SH3PXD2A: variants seen among roughly 807,000 people sequenced by gnomAD.
SH3PXD2A encodes the protein SH3 and PX domains 2A, also known as SH3 and PX domain-containing protein 2A.
In SH3PXD2A, 32 loss-of-function variants were observed where a neutral mutation model predicts 115.2. That is an observed-to-expected ratio of 0.28 (90% CI 0.21 to 0.37). The LOEUF (loss-of-function observed/expected upper bound fraction) is 0.37, where lower values mean the gene tolerates loss of function less well. Among genes scored for constraint, SH3PXD2A ranks in the 10% least tolerant of loss-of-function variants. The pLI is 1.00. For synonymous variants in SH3PXD2A, 610 were observed against 629.1 expected, an observed-to-expected ratio of 0.97 and a Z score of 0.45; for missense variants, 1,328 against 1,498.7, an observed-to-expected ratio of 0.89 and a Z score of 1.88.
chr10:103,769,513 A>G (rs145382898), intron 2 of SH3PXD2A, among the ~76,000 whole-genome samples: 79 of 145,438 alleles, frequency 5.4e-4, no homozygotes, highest in African/African-American at 2.0e-3. Flanking sequence ...CAGTGGCACG[A>G]TCTCAGCTCA....
chr10:103,837,959 C>A (rs962447024), intron 1 of SH3PXD2A, among the ~76,000 whole-genome samples: 7 of 152,166 alleles, frequency 4.6e-5, no homozygotes, highest in Non-Finnish European at 1.0e-4. Flanking sequence ...GTTTGAACAG[C>A]CACCGTGAAG....
intron 3 of SH3PXD2A, among the ~76,000 whole-genome samples, chr10:103,750,138 G>A (rs1228469146): frequency 6.6e-6 from 1 of 152,072 alleles, no homozygotes; most frequent in African/African-American, 2.4e-5. Context: ...CTGTAGCCTC[G>A]ACCTCCGAGC....
intron 1 of SH3PXD2A, among the ~76,000 whole-genome samples, chr10:103,835,631 G>T (rs1008872057): frequency 1.3e-5 from 2 of 152,020 alleles, no homozygotes; most frequent in Non-Finnish European, 2.9e-5. Context: ...GGAGGCCCAG[G>T]GGGGTGAACT....
intron 2 of SH3PXD2A, among the ~76,000 whole-genome samples, chr10:103,783,882 C>T (rs1255637056): frequency 2.0e-5 from 3 of 152,220 alleles, no homozygotes; most frequent in African/African-American, 2.4e-5. Flanking sequence ...CGCAGTGAGG[C>T]GAGCCGCCCG....
intron 8 of SH3PXD2A, among the ~76,000 whole-genome samples, chr10:103,632,786 C>A (rs890149077): frequency 5.1e-4 from 78 of 152,234 alleles, no homozygotes; most frequent in African/African-American, 1.8e-3. Flanking sequence ...CCAGCCCAGC[C>A]AACATGGTGA....
At chr10:103,813,697 T>C (rs961931963) in intron 1 of SH3PXD2A, among the ~76,000 whole-genome samples, 1 of 152,218 alleles carries the variant, frequency 6.6e-6, no homozygotes, top group African/African-American at 2.4e-5. Context: ...TGAGTCCTCT[T>C]AGCCAGTCCT....
intron 1 of SH3PXD2A, among the ~76,000 whole-genome samples, chr10:103,826,135 G>A (rs562544890): frequency 5.2e-4 from 79 of 152,142 alleles, no homozygotes; most frequent in Non-Finnish European, 8.8e-4. Flanking sequence ...CTCATAAAAT[G>A]AGAAATCTTG....
intron 8 of SH3PXD2A, among the ~76,000 whole-genome samples, chr10:103,631,164 C>G (rs1367041282): frequency 6.6e-6 from 1 of 152,116 alleles, no homozygotes; most frequent in South Asian, 2.1e-4. Context: ...ACTTGGGAGG[C>G]TGAGGTGGGA....
At chr10:103,846,736 C>A (rs1211127512) in intron 1 of SH3PXD2A, among the ~76,000 whole-genome samples, 1 of 152,200 alleles carries the variant, frequency 6.6e-6, no homozygotes, top group Non-Finnish European at 1.5e-5. Flanking sequence ...GATCTCACGG[C>A]TTGAGGAGCC....
chr10:103,726,042 G>C (rs1476757482), intron 4 of SH3PXD2A, among the ~76,000 whole-genome samples: 7 of 152,054 alleles, frequency 4.6e-5, no homozygotes, highest in Non-Finnish European at 1.0e-4. Context: ...AGAAATACTG[G>C]GGCAAGGAAG....
At chr10:103,645,300 G>A (rs544356843) in intron 8 of SH3PXD2A, among the ~76,000 whole-genome samples, 79 of 152,294 alleles carry the variant, frequency 5.2e-4, no homozygotes, top group Middle Eastern at 3.4e-3. Flanking sequence ...GCCGGCCCCC[G>A]CAACTTCTGC....
chr10:103,634,218 G>A (rs891089049), intron 8 of SH3PXD2A, among the ~76,000 whole-genome samples: 1 of 152,234 alleles, frequency 6.6e-6, no homozygotes, highest in Admixed American at 6.5e-5. Flanking sequence ...ATGAAGAAGA[G>A]GAGAGGATGC....
Position 103,620,146 on chromosome 10 carries a change from G to T in SH3PXD2A, c.802+2324C>A, listed in dbSNP as rs1411941884. Among the ~76,000 whole-genome samples, 2 of 152,232 alleles carry T rather than the reference G, an allele frequency of 1.3e-5. No homozygotes were observed. The highest frequency in any genetic ancestry group is 2.9e-5 in the Non-Finnish European group (2 of 68,048). On this transcript the variant is annotated intron_variant, in intron 10 of 14. Coordinates refer to ENST00000369774, the MANE Select transcript of SH3PXD2A (RefSeq NM_001394015.1). This position sits in a 1 kb window ranked among gnomAD's most constrained non-coding sequence, Gnocchi z 5.3. The stretch of plus-strand genomic sequence containing the variant: ...GCGGGCAGCTGCATGATTCAGGGTG[G>T]TCAGGGTCTTGGGAAGAGATGTCCC...
chr10:103,777,243 G>T (rs1405652161), intron 2 of SH3PXD2A, among the ~76,000 whole-genome samples: 1 of 152,246 alleles, frequency 6.6e-6, no homozygotes, highest in Non-Finnish European at 1.5e-5. Flanking sequence ...TATCACCCCT[G>T]TCACCATTAC....
In SH3PXD2A at chr10:103,612,957, T is replaced by C. The variant is rs1564844090; in HGVS notation, c.1154A>G (p.Asn385Ser). ...GCCCACGGCACTGCCATTGGAGGCA[T>C]TGCAGAGGATGGGCAGGCTGATCTC... The part of the protein sequence containing the change: ...KKEISLPILC[N>S]ASNGSAVGVP... The change falls in exon 12 of 15, where the codon AAT becomes AGT. Residue 385 changes from asparagine to serine, a missense_variant. By Grantham distance (46) the Asn-to-Ser change is conservative. Coordinates refer to ENST00000369774, the MANE Select transcript of SH3PXD2A (RefSeq NM_001394015.1). The C allele has an allele frequency of 6.2e-7, 1 of 1,614,068 alleles. No homozygotes were observed. The highest frequency in any genetic ancestry group is 8.5e-7 in the Non-Finnish European group (1 of 1,179,888).
intron 8 of SH3PXD2A, among the ~76,000 whole-genome samples, chr10:103,635,032 GCAGAGGGCAGCCTGAGGGCAT>G (rs1039870293): frequency 6.6e-6 from 1 of 152,158 alleles, no homozygotes; most frequent in African/African-American, 2.4e-5. Flanking sequence ...CAGTGCACAA[GCAGAGGGCAGCCTGAGGGCAT>G]CAGGAGGCAC....
At chr10:103,687,312 C>T (rs1156401675) in intron 6 of SH3PXD2A, among the ~76,000 whole-genome samples, 3 of 152,154 alleles carry the variant, frequency 2.0e-5, no homozygotes, top group East Asian at 3.8e-4. Flanking sequence ...TACACTACAT[C>T]GCTTAATATA....
In SH3PXD2A at chr10:103,594,076, A is replaced by G. The variant is rs2036101184; in HGVS notation, c.*7740T>C. 1 of 152,594 alleles carries G rather than the reference A, an allele frequency of 6.6e-6. No individual in the cohort carries two copies. The allele number at this position is 152,594 out of a possible 1,614,324, so 9.5% of individuals were successfully genotyped here. A position where few individuals can be genotyped will look rare whatever the true frequency, so the allele number is the denominator to read the frequency against. On this transcript the variant is annotated 3_prime_UTR_variant, in exon 15 of 15. Transcript: ENST00000369774. ...TATTTAGTTTTCAGGGAAATATAAG[A>G]TGCATGTAAACATAAAATACAAAAC...
At chr10:103,804,722 C>T (rs1399927448) in intron 1 of SH3PXD2A, among the ~76,000 whole-genome samples, 2 of 151,532 alleles carry the variant, frequency 1.3e-5, no homozygotes, top group African/African-American at 2.4e-5. Context: ...GGAACAAAGG[C>T]GCCTTCTAAG....
Sources: allele counts gnomAD v4.1 joint callset (sites outside exome capture counted in the v4.1 genomes callset), GRCh38; gene constraint gnomAD v4.1.1; non-coding constraint Gnocchi (gnomAD v3.1); transcripts MANE v1.5; gene names NCBI Gene and HGNC (gene_info 2026-07-23, HGNC 2026-07-21).